PCDH15: variants seen among roughly 807,000 people sequenced by gnomAD.
The protein encoded by PCDH15 is protocadherin related 15.
Under a neutral mutation model 178.5 loss-of-function variants are expected in PCDH15, and 129 were observed. The ratio of observed to expected loss-of-function variants is 0.72; its 90% CI spans 0.63 to 0.84. PCDH15 has a LOEUF of 0.84. Among genes scored for constraint, PCDH15 ranks in the 40% least tolerant of loss-of-function variants. PCDH15 has a pLI of 0.00. For synonymous variants in PCDH15, 800 were observed against 732.0 expected (o/e 1.09, Z -1.50); for missense variants, 2,230 against 2,099.9 (o/e 1.06, Z -1.21).
At chr10:53,832,802 C>CTGA (rs1297741528) in intron 29 of PCDH15, among the ~76,000 whole-genome samples, 1 of 151,986 alleles carries the variant, frequency 6.6e-6, no homozygotes, top group African/African-American at 2.4e-5. Flanking sequence ...AGTGACCATG[C>CTGA]TGATTTTAAA....
chr10:55,565,105 C>G (rs1430240413), intron 2 of PCDH15, among the ~76,000 whole-genome samples: 3 of 151,640 alleles, frequency 2.0e-5, no homozygotes, highest in African/African-American at 7.2e-5. Context: ...TGTTAGGCCA[C>G]AAATTACATC....
chr10:54,889,861 A>T (rs947049223), intron 3 of PCDH15, among the ~76,000 whole-genome samples: 4 of 151,916 alleles, frequency 2.6e-5, no homozygotes, highest in African/African-American at 9.7e-5. Flanking sequence ...AACACCATTT[A>T]TAAATGAGAG....
chr10:54,686,172 G>A (rs112504028), intron 1 of PCDH15, among the ~76,000 whole-genome samples: 12,152 of 148,112 alleles, frequency 0.082, 539 homozygotes, highest in South Asian at 0.15. Context: ...CACCGCACTC[G>A]GCCAAGATAG....
Position 53,818,034 on chromosome 10 carries a change from A to C in PCDH15, c.4434-21T>G, listed in dbSNP as rs2076128182. 3 of 398,420 alleles carry C rather than the reference A, an allele frequency of 7.5e-6. No individual in the cohort carries two copies. In the South Asian group the frequency reaches 3.8e-4, roughly 51 times the overall value. The allele number at this position is 398,420 out of a possible 1,614,324, so 24.7% of individuals were successfully genotyped here. ...CTCTCCTGCAAGGCAGAAATAAATAAATCAGTATTAAACATCTTAGATTTT... is the reference window on the plus strand; with the variant it reads ...CTCTCCTGCAAGGCAGAAATAAATACATCAGTATTAAACATCTTAGATTTT... On this transcript the variant is annotated intron_variant, in intron 33 of 37. Transcript: ENST00000644397.
chr10:54,536,107 G>A (rs1221531697), intron 2 of PCDH15, among the ~76,000 whole-genome samples: 2 of 152,158 alleles, frequency 1.3e-5, no homozygotes, highest in African/African-American at 2.4e-5. Flanking sequence ...GACATCAAAA[G>A]AGGCCATATA....
At chr10:54,232,559 A>T (rs937315732) in intron 9 of PCDH15, among the ~76,000 whole-genome samples, 1 of 152,330 alleles carries the variant, frequency 6.6e-6, no homozygotes, top group East Asian at 1.9e-4. Context: ...AAGTCAGTCT[A>T]TTAACTTGTT....
chr10:55,539,793 A>G (rs551300015), intron 2 of PCDH15, among the ~76,000 whole-genome samples: 225 of 152,272 alleles, frequency 1.5e-3, no homozygotes, highest in Non-Finnish European at 2.4e-3. Flanking sequence ...GATAACATCA[A>G]TAACTTGGGA....
At position 53,934,386 on chromosome 10, in the gene PCDH15, C is replaced by G. The variant is rs182376510; in HGVS notation, c.3373+4429G>C. On this transcript the variant is annotated intron_variant, in intron 25 of 37. Coordinates refer to ENST00000644397, the MANE Select transcript of PCDH15 (RefSeq NM_001384140.1). ...TACCTAGAGAAACTAAGATGAGGGACATTCTACCATACATCTTACTCAAGG... is the reference window on the plus strand; with the variant it reads ...TACCTAGAGAAACTAAGATGAGGGAGATTCTACCATACATCTTACTCAAGG... 4.1e-4 allele frequency among the ~76,000 whole-genome samples: 63 copies of G among 152,158 alleles called. No individual in the cohort carries two copies. In the East Asian group the frequency reaches 8.1e-3, roughly 20 times the overall value.
At chr10:54,834,173 A>G (rs1346341631) in intron 3 of PCDH15, among the ~76,000 whole-genome samples, 4 of 151,802 alleles carry the variant, frequency 2.6e-5, no homozygotes, top group African/African-American at 9.7e-5. Flanking sequence ...AGTAAAATAT[A>G]TCTAATATTG....
intron 15 of PCDH15, among the ~76,000 whole-genome samples, chr10:54,112,053 G>T (rs1427686296): frequency 6.6e-6 from 1 of 151,686 alleles, no homozygotes; most frequent in African/African-American, 2.4e-5. Context: ...TGAAGCAGGA[G>T]AATCACTTGA....
intron 2 of PCDH15, among the ~76,000 whole-genome samples, chr10:55,112,810 G>T: frequency 6.6e-6 from 1 of 152,122 alleles, no homozygotes; most frequent in East Asian, 1.9e-4. Context: ...TCAATCAAAA[G>T]GTAGATAGTA....
intron 2 of PCDH15, among the ~76,000 whole-genome samples, chr10:54,558,395 T>A (rs577546964): frequency 1.3e-5 from 2 of 152,230 alleles, no homozygotes; most frequent in Admixed American, 1.3e-4. Flanking sequence ...ACAGTTTACT[T>A]ATTGAGGCTG....
intron 33 of PCDH15, chr10:53,818,483 ATTTTC>A (rs1387393868): frequency 6.6e-6 from 1 of 152,150 alleles, no homozygotes; most frequent in Non-Finnish European, 1.5e-5. Context: ...ATTGTATGAT[ATTTTC>A]TTTATGTTAA....
intron 2 of PCDH15, among the ~76,000 whole-genome samples, chr10:55,363,839 T>TGTTA (rs1389636087): frequency 1.3e-5 from 2 of 152,048 alleles, no homozygotes; most frequent in Non-Finnish European, 2.9e-5. Flanking sequence ...GATTTCACTA[T>TGTTA]GTTAGCCAGG....
intron 9 of PCDH15, among the ~76,000 whole-genome samples, chr10:54,228,802 T>C (rs886768889): frequency 6.6e-6 from 1 of 152,224 alleles, no homozygotes; most frequent in Non-Finnish European, 1.5e-5. Context: ...CTCAGTCTTC[T>C]GATTCAAATA....
chr10:54,809,967 A>C (rs1294710485), intron 3 of PCDH15, among the ~76,000 whole-genome samples: 2 of 152,134 alleles, frequency 1.3e-5, no homozygotes, highest in African/African-American at 4.8e-5. Context: ...TTTTGGGGGA[A>C]ACAACTTAAA....
At chr10:54,454,464 A>G (rs982883008) in intron 3 of PCDH15, among the ~76,000 whole-genome samples, 1 of 148,984 alleles carries the variant, frequency 6.7e-6, no homozygotes, top group African/African-American at 2.4e-5. Flanking sequence ...TTAATTTTTA[A>G]TTAATAATTA....
At chr10:55,353,347 C>G (rs917667062) in intron 2 of PCDH15, among the ~76,000 whole-genome samples, 2 of 152,104 alleles carry the variant, frequency 1.3e-5, no homozygotes, top group African/African-American at 4.8e-5. Context: ...AATTCATGGT[C>G]TGAAACCGCA....
chr10:55,559,821 C>A (rs1246988464), intron 2 of PCDH15, among the ~76,000 whole-genome samples: 1 of 151,732 alleles, frequency 6.6e-6, no homozygotes, highest in East Asian at 1.9e-4. Flanking sequence ...AGAATTTTTC[C>A]TAATAAAGAA....
Sources: allele counts gnomAD v4.1 joint callset (sites outside exome capture counted in the v4.1 genomes callset), GRCh38; gene constraint gnomAD v4.1.1; transcripts MANE v1.5; gene names NCBI Gene and HGNC (gene_info 2026-07-23, HGNC 2026-07-21).